Variants in RPH3AL observed in about 807,000 individuals in gnomAD.
RPH3AL encodes rab effector Noc2.
A neutral mutation model predicts 43.1 loss-of-function variants in RPH3AL; 38 were observed. That is an observed-to-expected ratio of 0.88 (90% CI 0.68 to 1.15). RPH3AL has a LOEUF of 1.15. RPH3AL is among the 50% of genes most tolerant of loss of function. The probability of loss-of-function intolerance (pLI) is 0.00; values close to 1 mark genes in which losing one functional copy is unlikely to be tolerated. For missense variants in RPH3AL, 462 were observed against 423.2 expected, an observed-to-expected ratio of 1.09 and a Z score of -0.81; for synonymous variants, 189 against 176.3, an observed-to-expected ratio of 1.07 and a Z score of -0.57.
intron 1 of RPH3AL, among the ~76,000 whole-genome samples, chr17:351,561 G>A (rs73971752): frequency 0.014 from 2,173 of 151,950 alleles, 58 homozygotes; most frequent in African/African-American, 0.049. Flanking sequence ...CCTGCACCCC[G>A]CCTGTCTCTT....
At chr17:282,086 T>C (rs1250136461) in intron 5 of RPH3AL, among the ~76,000 whole-genome samples, 1 of 152,140 alleles carries the variant, frequency 6.6e-6, no homozygotes, top group Non-Finnish European at 1.5e-5. Flanking sequence ...TTAGGTTCTG[T>C]TGGAACCACA....
At chr17:276,761 C>A (rs534286516) in intron 6 of RPH3AL, among the ~76,000 whole-genome samples, 1 of 152,212 alleles carries the variant, frequency 6.6e-6, no homozygotes, top group Non-Finnish European at 1.5e-5. Flanking sequence ...TTTCACTATT[C>A]GCTCTCATTT....
intron 5 of RPH3AL, among the ~76,000 whole-genome samples, chr17:297,591 A>G (rs1264177502): frequency 6.6e-6 from 1 of 152,248 alleles, no homozygotes; most frequent in Non-Finnish European, 1.5e-5. Context: ...TGGTGACCAG[A>G]GGTCCCAGGA....
In RPH3AL at chr17:212,855, C is replaced by T. The variant is rs9907477; in HGVS notation, c.*997G>A. On this transcript the variant is annotated 3_prime_UTR_variant, in exon 10 of 10. Transcript: ENST00000331302. ...TGCCCTGGCTGGGGATGCACCTGAA[C>T]GCTGCTCTTCAGCAAGTGAGTTCAT... 0.1 allele frequency: 15,881 copies of T among 151,852 alleles called. 1,014 individuals are homozygous for T. Among genetic ancestry groups the T allele is most frequent in the Non-Finnish European group, 0.14 (9,262 of 67,970 alleles). The allele number at this position is 151,852 out of a possible 1,614,324, so 9.4% of individuals were successfully genotyped here. A position where few individuals can be genotyped will look rare whatever the true frequency, so the allele number is the denominator to read the frequency against.
chr17:227,174 G>C (rs1017212349), intron 7 of RPH3AL, among the ~76,000 whole-genome samples: 1 of 152,200 alleles, frequency 6.6e-6, no homozygotes, highest in South Asian at 2.1e-4. Context: ...AGGGCTGCCT[G>C]CTTGCCGGGT....
intron 7 of RPH3AL, among the ~76,000 whole-genome samples, chr17:229,066 A>T (rs1455626105): frequency 6.6e-6 from 1 of 152,214 alleles, no homozygotes; most frequent in African/African-American, 2.4e-5. Flanking sequence ...ACATATTTTT[A>T]AAAAATTAGA....
chr17:276,514 C>T (rs2042659410), intron 6 of RPH3AL, among the ~76,000 whole-genome samples: 1 of 152,226 alleles, frequency 6.6e-6, no homozygotes, highest in Admixed American at 6.5e-5. Context: ...GCCTCAACCT[C>T]CCAGGAAGCT....
rs1391564566 is a variant in RPH3AL at position 245,249 on chromosome 17, ATGTG to A, written c.613+1858_613+1861del. Among the ~76,000 whole-genome samples the A allele has an allele frequency of 8.5e-6, 1 of 117,544 alleles. No individual in the cohort carries two copies. Among genetic ancestry groups the A allele is most frequent in the South Asian group, 2.9e-4 (1 of 3,460 alleles). The allele number at this position is 117,544 out of a possible 152,430, so 77.1% of individuals were successfully genotyped here. A position where few individuals can be genotyped will look rare whatever the true frequency, so the allele number is the denominator to read the frequency against. On this transcript the variant is annotated intron_variant, in intron 7 of 9. Coordinates refer to ENST00000331302, the MANE Select transcript of RPH3AL (RefSeq NM_006987.4). The surrounding 1 kb of genome is among the most constrained non-coding windows in gnomAD (Gnocchi z 5.9). ...TGTGTGTGTGCGTGTGGATGAGAGC[ATGTG>A]TGTGTGCACGTGGATGTCAGTGTGT...
intron 6 of RPH3AL, among the ~76,000 whole-genome samples, chr17:259,932 T>C (rs1335211134): frequency 6.6e-6 from 1 of 152,094 alleles, no homozygotes; most frequent in Non-Finnish European, 1.5e-5. Flanking sequence ...GAGAAGGTGG[T>C]AATTGTCAGG....
At chr17:327,018 C>T (rs550296331) in intron 3 of RPH3AL, among the ~76,000 whole-genome samples, 4 of 152,336 alleles carry the variant, frequency 2.6e-5, no homozygotes, top group Admixed American at 6.5e-5. Flanking sequence ...TTTGTTCCCC[C>T]GTCTGACAGT....
chr17:337,792 G>A (rs1212732611), intron 1 of RPH3AL, among the ~76,000 whole-genome samples: 1 of 152,200 alleles, frequency 6.6e-6, no homozygotes, highest in Non-Finnish European at 1.5e-5. Context: ...TTGTACCCCG[G>A]CAAGGCCCCT....
chr17:240,855 C>T (rs1026466846), intron 7 of RPH3AL, among the ~76,000 whole-genome samples: 1 of 151,672 alleles, frequency 6.6e-6, no homozygotes, highest in Non-Finnish European at 1.5e-5. Flanking sequence ...GTCAGGAGAT[C>T]GAGACCAGCC....
chr17:292,685 C>T (rs981753145), intron 5 of RPH3AL, among the ~76,000 whole-genome samples: 1 of 152,160 alleles, frequency 6.6e-6, no homozygotes, highest in Non-Finnish European at 1.5e-5. Flanking sequence ...CTTCACCCTC[C>T]CCACCCCGAG....
At chr17:314,438 C>G (rs916541997) in intron 5 of RPH3AL, among the ~76,000 whole-genome samples, 12 of 114,294 alleles carry the variant, frequency 1.0e-4, no homozygotes, top group Non-Finnish European at 2.2e-4. Flanking sequence ...GTCCCTCTGC[C>G]CCCACCTCCA....
intron 6 of RPH3AL, among the ~76,000 whole-genome samples, chr17:273,908 C>T (rs1202962923): frequency 6.6e-6 from 1 of 152,144 alleles, no homozygotes; most frequent in African/African-American, 2.4e-5. Flanking sequence ...GTCTTCTTCA[C>T]CCCTTTCTAG....
intron 1 of RPH3AL, among the ~76,000 whole-genome samples, chr17:351,468 A>T (rs2045352054): frequency 6.6e-6 from 1 of 151,996 alleles, no homozygotes; most frequent in Non-Finnish European, 1.5e-5. Flanking sequence ...ACCAAAATAG[A>T]TTACACCAAG....
intron 3 of RPH3AL, among the ~76,000 whole-genome samples, chr17:324,008 A>C (rs904936087): frequency 1.3e-5 from 2 of 149,858 alleles, no homozygotes; most frequent in Non-Finnish European, 3.0e-5. Flanking sequence ...GTCACCCTGC[A>C]AGGCAGGCCC....
At chr17:253,482 C>T (rs550019847) in intron 6 of RPH3AL, among the ~76,000 whole-genome samples, 14 of 152,240 alleles carry the variant, frequency 9.2e-5, no homozygotes, top group African/African-American at 3.4e-4. Context: ...TTTTGGCCTC[C>T]GGGTATGCGC....
chr17:219,131 T>G (rs1195013532), intron 8 of RPH3AL, among the ~76,000 whole-genome samples: 6 of 150,224 alleles, frequency 4.0e-5, no homozygotes, highest in Admixed American at 1.3e-4. Flanking sequence ...AAGAACTCCT[T>G]GGACACCCAC....
Sources: allele counts gnomAD v4.1 joint callset (sites outside exome capture counted in the v4.1 genomes callset), GRCh38; gene constraint gnomAD v4.1.1; non-coding constraint Gnocchi (gnomAD v3.1); transcripts MANE v1.5; gene names NCBI Gene and HGNC (gene_info 2026-07-23, HGNC 2026-07-21).